GPSM2: variants seen among roughly 807,000 people sequenced by gnomAD.
GPSM2 encodes the protein G protein signaling modulator 2, also known as G protein-signaling modulator 2.
GPSM2 carries 58 observed loss-of-function variants against 78.4 expected under a neutral mutation model. The observed-to-expected ratio is 0.74, with a 90% CI of 0.60 to 0.92. The LOEUF (loss-of-function observed/expected upper bound fraction) is 0.92. Ranked by LOEUF, GPSM2 falls within the 40% of genes least tolerant of loss-of-function variation. The pLI is 0.00. For missense variants in GPSM2, 700 were observed against 815.5 expected, an observed-to-expected ratio of 0.86 and a Z score of 1.73; for synonymous variants, 224 against 280.2, an observed-to-expected ratio of 0.80 and a Z score of 2.00.
Position 108,898,685 on chromosome 1 carries a change from C to A in GPSM2, c.601C>A (p.Gln201Lys), listed in dbSNP as rs1338737528. 1 of 1,613,770 alleles carries A rather than the reference C, an allele frequency of 6.2e-7. No homozygotes were observed. The highest frequency in any genetic ancestry group is 8.5e-7 in the Non-Finnish European group (1 of 1,179,704). The change falls in exon 6 of 15, where the codon CAA becomes AAA. Residue 201 changes from glutamine (Q) to lysine (K), a missense_variant. Physicochemically the swap from Gln to Lys is moderately conservative, Grantham distance 53. Coordinates refer to ENST00000264126, the MANE Select transcript of GPSM2 (RefSeq NM_013296.5). ...LVTALGDRAA[Q>K]GRAFGNLGNT... ...GACTGCTTTGGGTGACCGAGCGGCA[C>A]AAGGACGTGCCTTTGGAAATCTTGG...
chr1:108,893,093 CAA>C (rs1283667929), intron 2 of GPSM2, among the ~76,000 whole-genome samples: 2 of 152,212 alleles, frequency 1.3e-5, no homozygotes, highest in Non-Finnish European at 2.9e-5. Flanking sequence ...CGATGCCATT[CAA>C]TCTATAGCTA....
intron 1 of GPSM2, among the ~76,000 whole-genome samples, chr1:108,879,355 C>T (rs955397015): frequency 2.6e-5 from 4 of 152,160 alleles, no homozygotes; most frequent in African/African-American, 9.7e-5. Context: ...AAAGCAATGT[C>T]GTTGGTGTTG....
At chr1:108,913,089 T>C (rs914291478) in intron 10 of GPSM2, among the ~76,000 whole-genome samples, 1 of 152,132 alleles carries the variant, frequency 6.6e-6, no homozygotes, top group African/African-American at 2.4e-5. Context: ...TTGTGTGGTA[T>C]TGATGGGATA....
chr1:108,910,980 T>G (rs1252427615), intron 10 of GPSM2, among the ~76,000 whole-genome samples: 1 of 152,188 alleles, frequency 6.6e-6, no homozygotes, highest in Non-Finnish European at 1.5e-5. Flanking sequence ...CTATTTCATA[T>G]AGAACTAATG....
intron 10 of GPSM2, chr1:108,909,523 CTT>C (rs1005591481): frequency 6.6e-6 from 1 of 152,096 alleles, no homozygotes; most frequent in African/African-American, 2.4e-5. Context: ...TAGAAAGTAA[CTT>C]AGGACTGAAT....
In GPSM2 at chr1:108,898,795, T is replaced by A. The variant is rs1178826273; in HGVS notation, c.681+30T>A. On this transcript the variant is annotated intron_variant, in intron 6 of 14. Transcript: ENST00000264126. ...AGTGGAAAGCCTTGGAGCCAGATCA[T>A]TTCCTCCATCAAAGTTCTGAACAGT... 3.1e-6 allele frequency: 5 copies of A among 1,612,958 alleles called. No individual in the cohort carries two copies. In the South Asian group the frequency reaches 5.5e-5, roughly 18 times the overall value.
intron 2 of GPSM2, among the ~76,000 whole-genome samples, chr1:108,896,215 A>C (rs1017626214): frequency 6.6e-6 from 1 of 152,160 alleles, no homozygotes; most frequent in African/African-American, 2.4e-5. Flanking sequence ...TATTTCTGCA[A>C]ATTTTTGAAT....
intron 11 of GPSM2, among the ~76,000 whole-genome samples, chr1:108,917,611 CATATATATATATATATATATATAT>C (rs55909258): frequency 0.01 from 230 of 22,736 alleles, 6 homozygotes; most frequent in South Asian, 0.016. Flanking sequence ...CACACACACA[CATATATATATATATATATATATAT>C]ATATATATAT....
At chr1:108,898,193 G>C in intron 5 of GPSM2, 92 bp downstream of exon 5, 2 of 1,297,888 alleles carry the variant, frequency 1.5e-6, no homozygotes, top group Middle Eastern at 1.9e-4. Context: ...TTTTAAGTTT[G>C]GCAAAGATTT....
intron 10 of GPSM2, among the ~76,000 whole-genome samples, chr1:108,910,522 T>C (rs1009945666): frequency 2.0e-5 from 3 of 152,172 alleles, no homozygotes; most frequent in Non-Finnish European, 4.4e-5. Context: ...ACATAAGATA[T>C]AAAAATCTTT....
intron 1 of GPSM2, among the ~76,000 whole-genome samples, chr1:108,883,896 T>TTTG (rs376686209): frequency 2.8e-4 from 43 of 151,718 alleles, no homozygotes; most frequent in South Asian, 6.2e-4. Flanking sequence ...ACATTGAGGG[T>TTTG]TTGTTGTTGT....
intron 7 of GPSM2, among the ~76,000 whole-genome samples, chr1:108,901,356 A>G (rs1648809286): frequency 6.6e-6 from 1 of 152,228 alleles, no homozygotes; most frequent in Admixed American, 6.5e-5. Context: ...CTAATAGCCT[A>G]CACATAAGAA....
intron 14 of GPSM2, 65 bp downstream of exon 14, chr1:108,924,279 T>C (rs1412482179): frequency 3.0e-6 from 3 of 983,850 alleles, no homozygotes; most frequent in Non-Finnish European, 4.9e-6. Context: ...TTGGTAGTGT[T>C]ATAATTCTCA....
intron 6 of GPSM2, 30 bp from the exon 7 acceptor site, chr1:108,898,849 T>C: frequency 1.9e-6 from 3 of 1,593,748 alleles, no homozygotes; most frequent in Non-Finnish European, 2.6e-6. Context: ...TTTTATTTTA[T>C]CTACATCTAA....
rs71593448 is a variant in GPSM2 at position 108,931,628 on chromosome 1, TAAAA to T, written c.*1700_*1703del. ...GAATTAATTACATTAAGTGCTCAGC[TAAAA>T]AAAAAAAAAAAGTTCTAAATTACAA... On this transcript the variant is annotated 3_prime_UTR_variant, in exon 15 of 15. Coordinates refer to ENST00000264126, the MANE Select transcript of GPSM2 (RefSeq NM_013296.5). 41 of 811,046 alleles carry T rather than the reference TAAAA, an allele frequency of 5.1e-5. No homozygotes were observed. The highest frequency in any genetic ancestry group is 2.0e-4 in the East Asian group (6 of 29,684). 50.2% of individuals were successfully genotyped at this position (811,046 alleles called of 1,614,324 possible). A position where few individuals can be genotyped will look rare whatever the true frequency, so the allele number is the denominator to read the frequency against.
intron 1 of GPSM2, among the ~76,000 whole-genome samples, chr1:108,883,964 C>T (rs772933857): frequency 6.6e-6 from 1 of 151,918 alleles, no homozygotes; most frequent in Non-Finnish European, 1.5e-5. Context: ...TGGGCTGGAG[C>T]GCAGTGGCAT....
chr1:108,898,780 C>T lies in GPSM2; in HGVS notation c.681+15C>T, dbSNP rs369695550. 2.5e-6 allele frequency: 4 copies of T among 1,613,636 alleles called. No individual in the cohort carries two copies. The African/African-American group carries it at 5.3e-5, about 22-fold the overall frequency. ...CTCATGAGCAGGTACAGTGGAAAGC[C>T]TTGGAGCCAGATCATTTCCTCCATC... On this transcript the variant is annotated intron_variant, in intron 6 of 14. Transcript: ENST00000264126.
At chr1:108,891,299 G>A (rs928957816) in intron 2 of GPSM2, among the ~76,000 whole-genome samples, 2 of 152,108 alleles carry the variant, frequency 1.3e-5, no homozygotes, top group Non-Finnish European at 2.9e-5. Context: ...CTTTAATTTT[G>A]TTAGCTCAAT....
Position 108,897,497 on chromosome 1 carries a change from T to C in GPSM2, c.284T>C (p.Ile95Thr), listed in dbSNP as rs1158621677. 11 of 1,612,518 alleles carry C rather than the reference T, an allele frequency of 6.8e-6. No individual in the cohort carries two copies. Among genetic ancestry groups the C allele is most frequent in the Middle Eastern group, 1.6e-4 (1 of 6,080 alleles). The change falls in exon 4 of 15, where the codon ATT becomes ACT. Residue 95 changes from isoleucine (I) to threonine (T), a missense_variant. Transcript: ENST00000264126. Reference protein sequence around the residue: ...HHHDLTLARTIGDQLGEAKAS... With the variant: ...HHHDLTLARTTGDQLGEAKAS... The stretch of plus-strand genomic sequence containing the variant: ...TTGTTTTTTGTTTTTTTCAGGACTA[T>C]TGGAGACCAGCTGGGGGAAGCGAAA...
Sources: allele counts gnomAD v4.1 joint callset (sites outside exome capture counted in the v4.1 genomes callset), GRCh38; gene constraint gnomAD v4.1.1; transcripts MANE v1.5; gene names NCBI Gene and HGNC (gene_info 2026-07-23, HGNC 2026-07-21).